ATF6: variants seen among roughly 807,000 people sequenced by gnomAD.
The protein encoded by ATF6 is activating transcription factor 6, also known as cyclic AMP-dependent transcription factor ATF-6 alpha.
ATF6 carries 53 observed loss-of-function variants against 83.6 expected under a neutral mutation model. The ratio of observed to expected loss-of-function variants is 0.63; its 90% confidence interval spans 0.51 to 0.80. The LOEUF is 0.80. Ranked by LOEUF, ATF6 falls within the 30% of genes least tolerant of loss-of-function variation. ATF6 has a pLI of 0.00. For missense variants in ATF6, 744 were observed against 797.9 expected, an observed-to-expected ratio of 0.93 and a Z score of 0.81; for synonymous variants, 288 against 285.8, an observed-to-expected ratio of 1.01 and a Z score of -0.08.
At chr1:161,903,062 C>CTTTAA (rs943900623) in intron 14 of ATF6, among the ~76,000 whole-genome samples, 20 of 151,922 alleles carry the variant, frequency 1.3e-4, no homozygotes, top group South Asian at 4.2e-4. Flanking sequence ...TTTAATTAAA[C>CTTTAA]TTTAATTTAA....
At chr1:161,937,838 A>G (rs1268749198) in intron 15 of ATF6, among the ~76,000 whole-genome samples, 2 of 151,836 alleles carry the variant, frequency 1.3e-5, no homozygotes, top group Non-Finnish European at 2.9e-5. Context: ...ATGTATACCT[A>G]TGTAACAAAC....
rs1030332439 is a variant in ATF6 at position 161,961,503 on chromosome 1, G to A, written c.*2849G>A. The A allele has an allele frequency of 6.6e-6, 1 of 151,676 alleles. No homozygotes were observed. Among genetic ancestry groups the A allele is most frequent in the Non-Finnish European group, 1.5e-5 (1 of 68,022 alleles). 9.4% of individuals were successfully genotyped at this position (151,676 alleles called of 1,614,324 possible). ...CTATAATTAATCCCTAGGCACAATT[G>A]TAGTTTTTATTTTAATGTTTGTATG... On this transcript the variant is annotated 3_prime_UTR_variant, in exon 16 of 16. Transcript: ENST00000367942.
intron 14 of ATF6, among the ~76,000 whole-genome samples, chr1:161,878,962 A>T (rs1313369264): frequency 6.6e-6 from 1 of 152,178 alleles, no homozygotes; most frequent in African/African-American, 2.4e-5. Flanking sequence ...AACTCTAGAT[A>T]TCAATTATAT....
intron 9 of ATF6, among the ~76,000 whole-genome samples, chr1:161,828,602 A>G (rs1025013048): frequency 1.1e-4 from 17 of 152,200 alleles, no homozygotes; most frequent in African/African-American, 3.9e-4. Context: ...AAGTTGCCCT[A>G]CCACTCAGGG....
intron 13 of ATF6, among the ~76,000 whole-genome samples, chr1:161,862,893 C>T (rs552875563): frequency 6.6e-6 from 1 of 152,262 alleles, no homozygotes; most frequent in South Asian, 2.1e-4. Flanking sequence ...CAAACCTATG[C>T]AGAAATCTCT....
chr1:161,876,910 G>A (rs1277357236), intron 14 of ATF6, among the ~76,000 whole-genome samples: 1 of 151,942 alleles, frequency 6.6e-6, no homozygotes, highest in Non-Finnish European at 1.5e-5. Flanking sequence ...AGAAAAGTAT[G>A]TAATAGATTT....
chr1:161,943,194 T>C (rs1288000060), intron 15 of ATF6, among the ~76,000 whole-genome samples: 2 of 152,112 alleles, frequency 1.3e-5, no homozygotes, highest in South Asian at 2.1e-4. Flanking sequence ...CATGTCAAGA[T>C]TGAGACCAGG....
chr1:161,791,106 C>CTGTGTGTGTG (rs565632055), intron 4 of ATF6, among the ~76,000 whole-genome samples: 13 of 120,824 alleles, frequency 1.1e-4, no homozygotes, highest in Admixed American at 8.1e-4. Context: ...GTGTGTGTCT[C>CTGTGTGTGTG]TGTGTGTGTG....
At chr1:161,789,943 T>C (rs1452145569) in intron 4 of ATF6, among the ~76,000 whole-genome samples, 2 of 152,242 alleles carry the variant, frequency 1.3e-5, no homozygotes, top group Non-Finnish European at 2.9e-5. Flanking sequence ...CAATTGTCAC[T>C]TGTCACTCTC....
At chr1:161,780,481 C>G (rs1684608673) in intron 2 of ATF6, among the ~76,000 whole-genome samples, 1 of 151,388 alleles carries the variant, frequency 6.6e-6, no homozygotes, top group Non-Finnish European at 1.5e-5. Context: ...TCACACCATT[C>G]TCCTGCCTCA....
At chr1:161,882,901 T>G (rs1460904349) in intron 14 of ATF6, among the ~76,000 whole-genome samples, 1 of 151,956 alleles carries the variant, frequency 6.6e-6, no homozygotes, top group African/African-American at 2.4e-5. Context: ...ATTCAAGATA[T>G]GTATACTTCT....
chr1:161,842,220 A>T (rs1301946435), intron 9 of ATF6, among the ~76,000 whole-genome samples: 1 of 152,182 alleles, frequency 6.6e-6, no homozygotes, highest in African/African-American at 2.4e-5. Flanking sequence ...GAAAGATGTG[A>T]AAAACAGGAT....
intron 1 of ATF6, among the ~76,000 whole-genome samples, chr1:161,769,819 T>C (rs1684343811): frequency 2.0e-5 from 3 of 152,208 alleles, no homozygotes; most frequent in South Asian, 2.1e-4. Flanking sequence ...GAGAATCTAA[T>C]GCTGCTGCTG....
At chr1:161,789,252 CTTTTTTTTTTTT>C (rs71755584) in intron 4 of ATF6, among the ~76,000 whole-genome samples, 1 of 101,380 alleles carries the variant, frequency 9.9e-6, no homozygotes, top group African/African-American at 5.0e-5. Flanking sequence ...ATTCCTTCTC[CTTTTTTTTTTTT>C]TTTTTTTTTT....
chr1:161,851,954 G>A, intron 11 of ATF6, 119 bp downstream of exon 11: 1 of 747,290 alleles, frequency 1.3e-6, no homozygotes, highest in Non-Finnish European at 2.3e-6. Flanking sequence ...AATTATTTGT[G>A]GATAACTGTA....
At chr1:161,902,485 A>G (rs1386633081) in intron 14 of ATF6, among the ~76,000 whole-genome samples, 2 of 152,244 alleles carry the variant, frequency 1.3e-5, no homozygotes, top group Non-Finnish European at 2.9e-5. Context: ...GTGCCACTAC[A>G]TAGATTTATA....
intron 15 of ATF6, among the ~76,000 whole-genome samples, chr1:161,920,526 C>T (rs1346781755): frequency 6.6e-6 from 1 of 151,976 alleles, no homozygotes; most frequent in Non-Finnish European, 1.5e-5. Context: ...GATCTCCTGA[C>T]CTCATGATCT....
chr1:161,867,840 T>C (rs542916669), intron 14 of ATF6, among the ~76,000 whole-genome samples: 14 of 152,364 alleles, frequency 9.2e-5, no homozygotes, highest in African/African-American at 3.4e-4. Flanking sequence ...GCCTGAGAGA[T>C]GTCTCTTTCT....
chr1:161,815,370 T>C (rs1024607911), intron 7 of ATF6, among the ~76,000 whole-genome samples: 13 of 151,762 alleles, frequency 8.6e-5, no homozygotes, highest in African/African-American at 2.9e-4. Flanking sequence ...TTTTTAATTT[T>C]AGCAGAGACG....
Sources: gnomAD v4.1 joint callset for allele counts (sites outside exome capture counted in the v4.1 genomes callset) on GRCh38, gnomAD v4.1.1 for gene constraint, MANE v1.5 for transcripts, NCBI Gene and HGNC (gene_info 2026-07-23, HGNC 2026-07-21) for gene names.